GPC6: variants seen among roughly 807,000 people sequenced by gnomAD.
The protein encoded by GPC6 is glypican-6.
In GPC6, 14 loss-of-function variants were observed where a neutral mutation model predicts 55.2. The ratio of observed to expected loss-of-function variants is 0.25; its 90% CI spans 0.17 to 0.40. The LOEUF (loss-of-function observed/expected upper bound fraction) is 0.40, where lower values mean the gene tolerates loss of function less well. Ranked by LOEUF, GPC6 falls within the 10% of genes least tolerant of loss-of-function variation. The probability of loss-of-function intolerance (pLI) is 1.00; values close to 1 mark genes in which losing one functional copy is unlikely to be tolerated. For synonymous variants in GPC6, 278 were observed against 259.6 expected (o/e 1.07, Z -0.68); for missense variants, 641 against 708.5 (o/e 0.90, Z 1.08).
intron 4 of GPC6, among the ~76,000 whole-genome samples, chr13:94,250,653 T>C (rs1385326933): frequency 6.6e-6 from 1 of 152,128 alleles, no homozygotes; most frequent in African/African-American, 2.4e-5. Context: ...GGAGACTTGA[T>C]TACAACTCCC....
At chr13:94,135,794 C>T (rs965958072) in intron 4 of GPC6, among the ~76,000 whole-genome samples, 1 of 152,192 alleles carries the variant, frequency 6.6e-6, no homozygotes, top group Non-Finnish European at 1.5e-5. Context: ...ACAAACAGCT[C>T]ATCTCCAACG....
intron 4 of GPC6, among the ~76,000 whole-genome samples, chr13:94,114,007 ACT>A (rs1886338763): frequency 7.7e-6 from 1 of 130,580 alleles, no homozygotes; most frequent in Non-Finnish European, 1.6e-5. Flanking sequence ...ACAGAACAAG[ACT>A]CTGTCTAAAA....
chr13:93,886,492 GA>G (rs962080985), intron 3 of GPC6, among the ~76,000 whole-genome samples: 32 of 148,748 alleles, frequency 2.2e-4, no homozygotes, highest in African/African-American at 5.4e-4. Flanking sequence ...GGTAAAAAAC[GA>G]AAAAAAAAAT....
chr13:94,031,660 C>T (rs1883145123), intron 4 of GPC6, among the ~76,000 whole-genome samples: 1 of 152,138 alleles, frequency 6.6e-6, no homozygotes, highest in Non-Finnish European at 1.5e-5. Flanking sequence ...TGCATGCTGC[C>T]CAAATGCAAA....
At chr13:93,780,572 T>C (rs540487043) in intron 2 of GPC6, among the ~76,000 whole-genome samples, 2 of 147,706 alleles carry the variant, frequency 1.4e-5, no homozygotes, top group East Asian at 4.0e-4. Flanking sequence ...CTTAATGACT[T>C]TATGGTTCAC....
chr13:93,918,978 G>A (rs1877428249), intron 3 of GPC6, among the ~76,000 whole-genome samples: 1 of 152,230 alleles, frequency 6.6e-6, no homozygotes, highest in African/African-American at 2.4e-5. Context: ...CAGTGTGGGA[G>A]GTGGAACCTG....
chr13:94,298,955 T>C (rs1875494497), intron 5 of GPC6, among the ~76,000 whole-genome samples: 1 of 152,216 alleles, frequency 6.6e-6, no homozygotes, highest in Admixed American at 6.5e-5. Context: ...ATCTTTTCTT[T>C]CTCATTACAG....
intron 1 of GPC6, among the ~76,000 whole-genome samples, chr13:93,408,675 C>T (rs913051641): frequency 1.3e-5 from 2 of 152,080 alleles, no homozygotes; most frequent in Admixed American, 6.6e-5. Context: ...ACAGAACTTT[C>T]CCTTAGGAAT....
intron 6 of GPC6, among the ~76,000 whole-genome samples, chr13:94,366,903 G>A (rs545991847): frequency 6.6e-6 from 1 of 152,338 alleles, no homozygotes; most frequent in South Asian, 2.1e-4. Context: ...GGTAGAGCTT[G>A]CAAAGGAACA....
At chr13:93,566,254 A>G (rs530702933) in intron 2 of GPC6, among the ~76,000 whole-genome samples, 8 of 152,354 alleles carry the variant, frequency 5.3e-5, no homozygotes, top group Admixed American at 3.3e-4. Flanking sequence ...GTAGCTTATG[A>G]AGATATTTTG....
intron 6 of GPC6, among the ~76,000 whole-genome samples, chr13:94,336,335 A>C (rs1877698217): frequency 6.6e-6 from 1 of 152,138 alleles, no homozygotes; most frequent in Non-Finnish European, 1.5e-5. Context: ...TGATTTCCAG[A>C]TGTTCTTTGA....
At chr13:94,401,863 T>G (rs1170752016) in intron 8 of GPC6, among the ~76,000 whole-genome samples, 1 of 152,078 alleles carries the variant, frequency 6.6e-6, no homozygotes, top group South Asian at 2.1e-4. Context: ...GCCCAGGAGT[T>G]TGGGGCTGCA....
At chr13:94,332,362 T>C (rs1877469690) in intron 6 of GPC6, among the ~76,000 whole-genome samples, 1 of 152,136 alleles carries the variant, frequency 6.6e-6, no homozygotes, top group South Asian at 2.1e-4. Context: ...ATGTGATAAA[T>C]TGTGAAAGTT....
chr13:93,952,876 A>ATATATACATATATATACG (rs1879328039), intron 3 of GPC6, among the ~76,000 whole-genome samples: 1 of 109,976 alleles, frequency 9.1e-6, no homozygotes, highest in African/African-American at 2.9e-5. Context: ...ATATATATAC[A>ATATATACATATATATACG]TATATATATG....
chr13:93,505,522 C>T (rs565964915), intron 1 of GPC6, among the ~76,000 whole-genome samples: 50 of 152,258 alleles, frequency 3.3e-4, no homozygotes, highest in African/African-American at 1.2e-3. Flanking sequence ...TCAACCAACA[C>T]TCTAACTCGT....
intron 4 of GPC6, among the ~76,000 whole-genome samples, chr13:94,173,819 A>G (rs182939595): frequency 2.6e-5 from 4 of 152,298 alleles, no homozygotes; most frequent in Non-Finnish European, 4.4e-5. Flanking sequence ...TAGAAAGCTC[A>G]TGTACTTTCT....
At chr13:93,980,480 C>G (rs1281953925) in intron 3 of GPC6, among the ~76,000 whole-genome samples, 1 of 152,158 alleles carries the variant, frequency 6.6e-6, no homozygotes, top group Non-Finnish European at 1.5e-5. Context: ...AAGCAGTATT[C>G]TCTGCATTGG....
chr13:94,247,830 T>C (rs1891241971), intron 4 of GPC6, among the ~76,000 whole-genome samples: 1 of 152,046 alleles, frequency 6.6e-6, no homozygotes, highest in Non-Finnish European at 1.5e-5. Flanking sequence ...TTTTCTTTTC[T>C]TCTTTTTTTA....
intron 2 of GPC6, among the ~76,000 whole-genome samples, chr13:93,602,037 C>T (rs1878037667): frequency 6.6e-6 from 1 of 152,102 alleles, no homozygotes; most frequent in South Asian, 2.1e-4. Flanking sequence ...CCATGTGATT[C>T]ACCTATAATG....
Sources: allele counts gnomAD v4.1 joint callset (sites outside exome capture counted in the v4.1 genomes callset), GRCh38; gene constraint gnomAD v4.1.1; transcripts MANE v1.5; gene names NCBI Gene and HGNC (gene_info 2026-07-23, HGNC 2026-07-21).